The following ZNF780B variants were observed in gnomAD, a reference collection of about 807,000 sequenced individuals.
The protein encoded by ZNF780B is zinc finger protein 779.
Under a neutral mutation model 74.1 loss-of-function variants are expected in ZNF780B, and 52 were observed. The observed-to-expected ratio is 0.70, with a 90% CI of 0.56 to 0.88. The LOEUF is 0.88. ZNF780B is among the 40% of genes least tolerant of loss of function. The pLI is 0.00. For synonymous variants in ZNF780B, 315 were observed against 324.3 expected, an observed-to-expected ratio of 0.97 and a Z score of 0.31; for missense variants, 953 against 1,007.6, an observed-to-expected ratio of 0.95 and a Z score of 0.73.
At position 40,049,325 on chromosome 19, in the gene ZNF780B, A is replaced by G. The variant is rs554014108; in HGVS notation, c.10-529T>C. On this transcript the variant is annotated intron_variant, in intron 2 of 4. Transcript: ENST00000434248. ...CTTACTGTGGTATCAGATGATAGCA[A>G]AAGTATTTTTTCTTGTCATGACAAA... is the stretch of plus-strand genomic sequence containing the variant. Among the ~76,000 whole-genome samples the G allele has an allele frequency of 3.3e-5, 5 of 152,258 alleles. No homozygotes were observed. In the South Asian group the frequency reaches 1.0e-3, roughly 32 times the overall value.
In ZNF780B at chr19:40,036,399, G is replaced by C. The variant is rs750624841; in HGVS notation, c.460C>G (p.His154Asp). The C allele has an allele frequency of 1.9e-6, 3 of 1,609,246 alleles. No individual in the cohort carries two copies. Among genetic ancestry groups the C allele is most frequent in the Non-Finnish European group, 2.5e-6 (3 of 1,178,538 alleles). Residue 154 changes from histidine (H) to aspartate (D), a missense_variant, in exon 5 of 5, where the codon CAT becomes GAT. Coordinates refer to ENST00000434248, the MANE Select transcript of ZNF780B (RefSeq NM_001005851.3). ...TGTGTATTATGAATAGGAGAAGCAT[G>C]AGTATAAGCAGGCATTTCTTCATAG... ...ISYEEMPAYT[H>D]ASPIHNTHKP...
At chr19:40,038,851 T>C (rs1972489087) in intron 4 of ZNF780B, among the ~76,000 whole-genome samples, 1 of 150,146 alleles carries the variant, frequency 6.7e-6, no homozygotes, top group Non-Finnish European at 1.5e-5. Context: ...TTTTCTCCCA[T>C]TTTGTAGGTT....
chr19:40,048,853 A>AAGG, intron 2 of ZNF780B, 57 bp from the exon 3 acceptor site: 1 of 1,608,508 alleles, frequency 6.2e-7, no homozygotes, highest in Non-Finnish European at 8.5e-7. Context: ...TTCAAGACGA[A>AAGG]AGGAGAGGAA....
rs1972263221 is a variant in ZNF780B at position 40,035,814 on chromosome 19, C to T, written c.1045G>A (p.Val349Ile). The T allele has an allele frequency of 1.2e-6, 2 of 1,614,062 alleles. No individual in the cohort carries two copies. The highest frequency in any genetic ancestry group is 1.7e-6 in the Non-Finnish European group (2 of 1,180,014). ...RKAFTLLTKL[V>I]RHQKIHMGEK... ...CCCATATGAATCTTCTGATGTCGAA[C>T]AAGCTTTGTCAGAAGAGTAAAGGCC... The change falls in exon 5 of 5, where the codon GTT becomes ATT. Residue 349 changes from valine (V) to isoleucine (I), a missense_variant. Coordinates refer to ENST00000434248, the MANE Select transcript of ZNF780B (RefSeq NM_001005851.3).
In ZNF780B at chr19:40,047,361, T is replaced by C. The variant is rs749493024; in HGVS notation, c.232+14A>G. ...CAATGATGGCTTCCCCCTGCCTGCT[T>C]TACTCTCACTTACCTGGATACCATC... On this transcript the variant is annotated intron_variant, in intron 4 of 4. Transcript: ENST00000434248. 6.2e-7 allele frequency: 1 copy of C among 1,604,476 alleles called. No individual in the cohort carries two copies. Among genetic ancestry groups the C allele is most frequent in the South Asian group, 1.1e-5 (1 of 90,880 alleles).
In ZNF780B at chr19:40,033,438, C is replaced by T. The variant is rs1972082331; in HGVS notation, c.*919G>A. ...CTACATTCCTCACATCAGTAACTTT[C>T]TCACCAAAATTATCTTCTCTGAACT... is the stretch of plus-strand genomic sequence containing the variant. On this transcript the variant is annotated 3_prime_UTR_variant, in exon 5 of 5. Coordinates refer to ENST00000434248, the MANE Select transcript of ZNF780B (RefSeq NM_001005851.3). 6.5e-6 allele frequency: 1 copy of T among 154,430 alleles called. No homozygotes were observed. The highest frequency in any genetic ancestry group is 1.5e-5 in the Non-Finnish European group (1 of 68,218). The allele number at this position is 154,430 out of a possible 1,614,324, so 9.6% of individuals were successfully genotyped here.
At position 40,035,185 on chromosome 19, in the gene ZNF780B, T is replaced by C. The variant is rs1231062875; in HGVS notation, c.1674A>G (p.Glu558=). 1 of 1,614,076 alleles carries C rather than the reference T, an allele frequency of 6.2e-7. No homozygotes were observed. Among genetic ancestry groups the C allele is most frequent in the African/African-American group, 1.3e-5 (1 of 74,934 alleles). ...EKTHTGEKPF[E]CKECGKFFRR... is the part of the protein sequence containing the mutation. ...GAAAGAATTTCCCACATTCCTTACA[T>C]TCAAAGGGTTTCTCACCTGTATGAG... The change falls in exon 5 of 5, where the codon GAA becomes GAG. Residue 558 remains glutamate, a synonymous_variant. Transcript: ENST00000434248.
chr19:40,049,930 G>T (rs774151207), intron 2 of ZNF780B, among the ~76,000 whole-genome samples: 1 of 152,108 alleles, frequency 6.6e-6, no homozygotes, highest in Non-Finnish European at 1.5e-5. Context: ...AGGCACAGTG[G>T]CTCACGCCTG....
rs919409304 is a variant in ZNF780B, at chr19:40,029,236, A to T, written c.*5121T>A. The T allele has an allele frequency of 6.6e-6, 1 of 152,366 alleles. No homozygotes were observed. The highest frequency in any genetic ancestry group is 2.4e-5 in the African/African-American group (1 of 41,468). The allele number at this position is 152,366 out of a possible 1,614,324, so 9.4% of individuals were successfully genotyped here. A position where few individuals can be genotyped will look rare whatever the true frequency, so the allele number is the denominator to read the frequency against. On this transcript the variant is annotated 3_prime_UTR_variant, in exon 5 of 5. Transcript: ENST00000434248. ...AAGCTGGATGATCACAATACCCTGT[A>T]AAAGGATGACAGAAATCTTGTGTCT...
intron 3 of ZNF780B, 89 bp from the exon 4 acceptor site, chr19:40,047,559 CA>C: frequency 1.3e-6 from 1 of 776,714 alleles, no homozygotes; most frequent in South Asian, 2.0e-5. Flanking sequence ...TAATAAATTA[CA>C]AGCCAAAACA....
rs1472828731 is a variant in ZNF780B at position 40,035,766 on chromosome 19, C to T, written c.1093G>A (p.Glu365Lys). The T allele has an allele frequency of 1.9e-6, 3 of 1,614,034 alleles. No individual in the cohort carries two copies. Among genetic ancestry groups the T allele is most frequent in the Non-Finnish European group, 2.5e-6 (3 of 1,180,004 alleles). Reference sequence around the variant, plus strand: ...AGGAGACTAAAGGCCTTCCCGCATTCCCTGCATTCAAAGGGCTTCTCACCC... The same window carrying T: ...AGGAGACTAAAGGCCTTCCCGCATTTCCTGCATTCAAAGGGCTTCTCACCC... ...HMGEKPFECR[E>K]CGKAFSLLNQ... Residue 365 changes from glutamate to lysine, a missense_variant, in exon 5 of 5, where the codon GAA (glutamate) becomes AAA (lysine). Coordinates refer to ENST00000434248, the MANE Select transcript of ZNF780B (RefSeq NM_001005851.3).
chr19:40,052,802 T>C (rs1020416166), intron 1 of ZNF780B, among the ~76,000 whole-genome samples: 4 of 152,142 alleles, frequency 2.6e-5, no homozygotes, highest in African/African-American at 9.7e-5. Context: ...AACCAACTGA[T>C]TTTTGAGACA....
chr19:40,031,998 G>A lies in ZNF780B; in HGVS notation c.*2359C>T, dbSNP rs1443312199. 1 of 446,944 alleles carries A rather than the reference G, an allele frequency of 2.2e-6. No homozygotes were observed. The highest frequency in any genetic ancestry group is 4.5e-6 in the Non-Finnish European group (1 of 224,360). The allele number at this position is 446,944 out of a possible 1,614,324, so 27.7% of individuals were successfully genotyped here. A position where few individuals can be genotyped will look rare whatever the true frequency, so the allele number is the denominator to read the frequency against. On this transcript the variant is annotated 3_prime_UTR_variant, in exon 5 of 5. Coordinates refer to ENST00000434248, the MANE Select transcript of ZNF780B (RefSeq NM_001005851.3). ...ATATGACATAGAAATAACCTACAAA[G>A]TATTCTTCCCCAAAACGTTTAATCT...
At position 40,038,670 on chromosome 19, in the gene ZNF780B, G is replaced by C. The variant is rs1599771038; in HGVS notation, c.233-2044C>G. 3.3e-5 allele frequency among the ~76,000 whole-genome samples: 5 copies of C among 152,096 alleles called. No homozygotes were observed. The South Asian group carries it at 1.0e-3, about 32-fold the overall frequency. On this transcript the variant is annotated intron_variant, in intron 4 of 4. Coordinates refer to ENST00000434248, the MANE Select transcript of ZNF780B (RefSeq NM_001005851.3). ...TTGCATTTCTCTGATGGCCAGTGAT[G>C]ATGAGCATTTTTTCATGTGTTTTTT...
intron 2 of ZNF780B, chr19:40,049,085 A>C: frequency 2.7e-5 from 10 of 365,342 alleles, no homozygotes; most frequent in East Asian, 6.0e-5. Flanking sequence ...GAAAGAAAGA[A>C]AGAACTGTCG....
rs1280558967 is a variant in ZNF780B at position 40,035,660 on chromosome 19, C to T, written c.1199G>A (p.Arg400His). 1.9e-6 allele frequency: 3 copies of T among 1,613,796 alleles called. No homozygotes were observed. The highest frequency in any genetic ancestry group is 1.1e-5 in the South Asian group (1 of 91,048). The change falls in exon 5 of 5, where the codon CGT becomes CAT. Residue 400 changes from arginine (R) to histidine (H), a missense_variant. Coordinates refer to ENST00000434248, the MANE Select transcript of ZNF780B (RefSeq NM_001005851.3). ...ECKECGKSFN[R>H]SSNLIQHQSI... ...CTGGTGTTGAATAAGGTTTGAACTA[C>T]GATTAAAGGACTTCCCACATTCTTT...
chr19:40,029,818 C>T lies in ZNF780B; in HGVS notation c.*4539G>A, dbSNP rs1971959189. 1 of 151,472 alleles carries T rather than the reference C, an allele frequency of 6.6e-6. No homozygotes were observed. The highest frequency in any genetic ancestry group is 1.5e-5 in the Non-Finnish European group (1 of 67,906). 9.4% of individuals were successfully genotyped at this position (151,472 alleles called of 1,614,324 possible). A position where few individuals can be genotyped will look rare whatever the true frequency, so the allele number is the denominator to read the frequency against. On this transcript the variant is annotated 3_prime_UTR_variant, in exon 5 of 5. Transcript: ENST00000434248. Reference sequence around the variant, plus strand: ...TAAACATCCTCTTACGGCCTGAAAACAATATTCCTTTAAAACATCAAAAGA... The same window carrying T: ...TAAACATCCTCTTACGGCCTGAAAATAATATTCCTTTAAAACATCAAAAGA...
At position 40,039,451 on chromosome 19, in the gene ZNF780B, A is replaced by T. The variant is rs370420248; in HGVS notation, c.233-2825T>A. On this transcript the variant is annotated intron_variant, in intron 4 of 4. Coordinates refer to ENST00000434248, the MANE Select transcript of ZNF780B (RefSeq NM_001005851.3). ...TAGTTTTTTCCAATTCTGTGAAGAAAGTCATTGGTAGCTTGATGGGGATGG... is the reference window on the plus strand; with the variant it reads ...TAGTTTTTTCCAATTCTGTGAAGAATGTCATTGGTAGCTTGATGGGGATGG... Among the ~76,000 whole-genome samples, 1,116 of 152,076 alleles carry T rather than the reference A, an allele frequency of 7.3e-3. 58 individuals are homozygous for T. In the East Asian group the frequency reaches 0.13, roughly 18 times the overall value.
In ZNF780B at chr19:40,034,369, G is replaced by T; in HGVS notation, c.2490C>A (p.Phe830Leu). ...ISSNLLNIRK[F>L]ILG The stretch of plus-strand genomic sequence containing the variant: ...CATTCAAAGGTTTTCACCCAAGTAT[G>T]AATTTTCTGATGTTCAGTAAGTTGC... Residue 830 changes from phenylalanine to leucine, a missense_variant, in exon 5 of 5, where the codon TTC (phenylalanine) becomes TTA (leucine). By Grantham distance (22) the Phe-to-Leu change is conservative. Coordinates refer to ENST00000434248, the MANE Select transcript of ZNF780B (RefSeq NM_001005851.3). The T allele has an allele frequency of 6.2e-7, 1 of 1,606,040 alleles. No individual in the cohort carries two copies. The highest frequency in any genetic ancestry group is 1.1e-5 in the South Asian group (1 of 90,154).
Sources: allele counts gnomAD v4.1 joint callset (sites outside exome capture counted in the v4.1 genomes callset), GRCh38; gene constraint gnomAD v4.1.1; transcripts MANE v1.5; gene names NCBI Gene and HGNC (gene_info 2026-07-23, HGNC 2026-07-21).